KMT2C: variants seen among roughly 807,000 people sequenced by gnomAD.
The protein encoded by KMT2C is lysine methyltransferase 2C.
Under a neutral mutation model 507.9 loss-of-function variants are expected in KMT2C, and 88 were observed. The observed-to-expected ratio is 0.17, with a 90% CI of 0.15 to 0.21. The LOEUF is 0.21. KMT2C is among the 10% of genes least tolerant of loss of function. The probability of loss-of-function intolerance (pLI) is 1.00; values close to 1 mark genes in which losing one functional copy is unlikely to be tolerated. For synonymous variants in KMT2C, 2,049 were observed against 2,080.8 expected, an observed-to-expected ratio of 0.98 and a Z score of 0.42; for missense variants, 4,954 against 5,957.8, an observed-to-expected ratio of 0.83 and a Z score of 5.55.
In KMT2C at chr7:152,149,005, C is replaced by A. The variant is rs756354376; in HGVS notation, c.12922G>T (p.Ala4308Ser). 5 of 1,561,304 alleles carry A rather than the reference C, an allele frequency of 3.2e-6. No individual in the cohort carries two copies. Among genetic ancestry groups the A allele is most frequent in the Non-Finnish European group, 4.3e-6 (5 of 1,156,298 alleles). ...KASPPASPPI[A>S]FPPAFEAAQV... is the part of the protein sequence containing the mutation. ...GCTGCTTCAAAAGCAGGAGGGAAGG[C>A]GATGGGTGGTGAGGCAGGGGGAGAA... The change falls in exon 52 of 59, where the codon GCC becomes TCC. Residue 4308 changes from alanine to serine, a missense_variant. This residue lies in a region of KMT2C where 417 missense variants were observed against 461.1 expected (regional missense o/e 0.90). Transcript: ENST00000262189.
intron 1 of KMT2C, among the ~76,000 whole-genome samples, chr7:152,397,875 T>C (rs868235959): frequency 1.3e-5 from 2 of 152,200 alleles, no homozygotes; most frequent in Middle Eastern, 3.2e-3. Context: ...CACATGGAAC[T>C]ATGAGTCTAT....
At chr7:152,427,705 C>T (rs2097832376) in intron 1 of KMT2C, among the ~76,000 whole-genome samples, 1 of 152,184 alleles carries the variant, frequency 6.6e-6, no homozygotes, top group South Asian at 2.1e-4. Flanking sequence ...GGCAACAAAG[C>T]ATCCTAATCC....
At chr7:152,206,985 G>GA (rs1202645681) in intron 24 of KMT2C, among the ~76,000 whole-genome samples, 2 of 151,914 alleles carry the variant, frequency 1.3e-5, no homozygotes, top group Non-Finnish European at 2.9e-5. Context: ...ACATCCAGAG[G>GA]AACTATATAA....
chr7:152,263,604 GCTCT>G (rs1237299058), intron 8 of KMT2C, among the ~76,000 whole-genome samples: 1 of 152,156 alleles, frequency 6.6e-6, no homozygotes, highest in Non-Finnish European at 1.5e-5. Context: ...TTAGACTAAA[GCTCT>G]CTGAGTTCCA....
intron 23 of KMT2C, among the ~76,000 whole-genome samples, chr7:152,216,866 GCA>G (rs2094597047): frequency 6.6e-6 from 1 of 152,220 alleles, no homozygotes; most frequent in Non-Finnish European, 1.5e-5. Context: ...CACTGGTTGA[GCA>G]CTTGTATTCT....
At chr7:152,366,065 GCTA>G (rs2097240878) in intron 1 of KMT2C, among the ~76,000 whole-genome samples, 1 of 152,126 alleles carries the variant, frequency 6.6e-6, no homozygotes, top group Non-Finnish European at 1.5e-5. Flanking sequence ...CATTAGGATG[GCTA>G]CTGTGAAAAA....
intron 2 of KMT2C, among the ~76,000 whole-genome samples, chr7:152,339,884 A>G (rs1392969873): frequency 6.6e-6 from 1 of 152,190 alleles, no homozygotes; most frequent in East Asian, 1.9e-4. Context: ...GAAAAATAAT[A>G]TATTTAAAAT....
intron 23 of KMT2C, among the ~76,000 whole-genome samples, chr7:152,213,603 T>C (rs577434474): frequency 1.3e-5 from 2 of 152,180 alleles, no homozygotes; most frequent in East Asian, 3.9e-4. Flanking sequence ...CCTGAAACCA[T>C]AAAACTCCTA....
chr7:152,230,305 A>C lies in KMT2C; in HGVS notation c.2786T>G (p.Ile929Ser). Reference protein sequence around the residue: ...VVLPGVSTADISSNKDDEENS... With the variant: ...VVLPGVSTADSSSNKDDEENS... ...TTCTTCATCATCCTTATTTGATGAA[A>C]TATCTGCAGTAGACACCTATAAAAA... The change falls in exon 17 of 59, where the codon ATT (isoleucine) becomes AGT (serine). Residue 929 changes from isoleucine (I) to serine (S), a missense_variant. Coordinates refer to ENST00000262189, the MANE Select transcript of KMT2C (RefSeq NM_170606.3). The C allele has an allele frequency of 6.3e-7, 1 of 1,575,838 alleles. No individual in the cohort carries two copies. Among genetic ancestry groups the C allele is most frequent in the South Asian group, 1.1e-5 (1 of 88,120 alleles).
chr7:152,299,634 G>GTC (rs2096548884), intron 6 of KMT2C, among the ~76,000 whole-genome samples: 1 of 152,020 alleles, frequency 6.6e-6, no homozygotes, highest in African/African-American at 2.4e-5. Flanking sequence ...GGGTGACAGA[G>GTC]TAAGACCCCA....
At chr7:152,218,706 T>C (rs2094662582) in intron 23 of KMT2C, among the ~76,000 whole-genome samples, 1 of 152,154 alleles carries the variant, frequency 6.6e-6, no homozygotes, top group African/African-American at 2.4e-5. Flanking sequence ...GTGTGAGATA[T>C]ACTGAGCCGT....
chr7:152,434,644 A>T (rs1379413605), intron 1 of KMT2C, among the ~76,000 whole-genome samples: 5 of 152,180 alleles, frequency 3.3e-5, no homozygotes, highest in East Asian at 1.9e-4. Context: ...AGACATTCAC[A>T]GTTCTTCCAC....
At position 152,181,346 on chromosome 7, in the gene KMT2C, C is replaced by T. The variant is rs200011142; in HGVS notation, c.6514G>A (p.Asp2172Asn). 1.2e-4 allele frequency: 193 copies of T among 1,613,744 alleles called. 1 individual carries two copies. Among genetic ancestry groups the T allele is most frequent in the East Asian group, 1.3e-4 (6 of 44,852 alleles). Reference protein sequence around the residue: ...PPGTPRPTTVDPYSQQPQTPR... With the variant: ...PPGTPRPTTVNPYSQQPQTPR... ...GTTTGGGGCTGCTGACTATATGGGT[C>T]AACAGTAGTAGGCCGGGGAGTTCCA... Residue 2172 changes from aspartate to asparagine, a missense_variant, in exon 36 of 59, where the codon GAC (aspartate) becomes AAC (asparagine). Around this residue, in one of 29 missense-constraint regions of KMT2C, gnomAD observed 1,689 missense variants for 1,654.3 expected, o/e 1.02. Coordinates refer to ENST00000262189, the MANE Select transcript of KMT2C (RefSeq NM_170606.3).
rs909377091 is a variant in KMT2C at position 152,136,333 on chromosome 7, A to C, written c.*499T>G. On this transcript the variant is annotated 3_prime_UTR_variant, in exon 59 of 59. Transcript: ENST00000262189. ...TTGTTCAGTGGTGTCTACTTTATTT[A>C]AAAACATTTTGAAGTTAGAGGGCCT... is the stretch of plus-strand genomic sequence containing the variant. 3 of 219,036 alleles carry C rather than the reference A, an allele frequency of 1.4e-5. No individual in the cohort carries two copies. The highest frequency in any genetic ancestry group is 2.3e-5 in the African/African-American group (1 of 44,444). The allele number at this position is 219,036 out of a possible 1,614,324, so 13.6% of individuals were successfully genotyped here. A position where few individuals can be genotyped will look rare whatever the true frequency, so the allele number is the denominator to read the frequency against.
At chr7:152,326,864 G>C (rs1028414804) in intron 3 of KMT2C, among the ~76,000 whole-genome samples, 2 of 152,158 alleles carry the variant, frequency 1.3e-5, no homozygotes, top group Non-Finnish European at 2.9e-5. Flanking sequence ...CTGGGCGACA[G>C]AGCAAGACTC....
intron 1 of KMT2C, among the ~76,000 whole-genome samples, chr7:152,429,161 T>C (rs1270026373): frequency 6.6e-6 from 1 of 152,186 alleles, no homozygotes; most frequent in East Asian, 1.9e-4. Context: ...AGCACCCCTC[T>C]AGGCCACAAT....
intron 52 of KMT2C, among the ~76,000 whole-genome samples, chr7:152,147,354 A>G (rs2129094413): frequency 6.6e-6 from 1 of 152,206 alleles, no homozygotes; most frequent in Non-Finnish European, 1.5e-5. Context: ...TATGATTTAG[A>G]TGTCATTCCT....
At chr7:152,271,606 G>A (rs914770589) in intron 7 of KMT2C, among the ~76,000 whole-genome samples, 24 of 150,488 alleles carry the variant, frequency 1.6e-4, no homozygotes, top group African/African-American at 5.4e-4. Context: ...CCTGGAAGGC[G>A]GAGTTTGCAG....
chr7:152,270,250 A>C (rs2095937457), intron 7 of KMT2C, among the ~76,000 whole-genome samples: 1 of 152,210 alleles, frequency 6.6e-6, no homozygotes, highest in African/African-American at 2.4e-5. Flanking sequence ...CAGAGGACTG[A>C]CAGAATTTAG....
Sources: allele counts gnomAD v4.1 joint callset (sites outside exome capture counted in the v4.1 genomes callset), GRCh38; gene constraint gnomAD v4.1.1; regional missense constraint gnomAD v4.1.1; transcripts MANE v1.5; gene names NCBI Gene and HGNC (gene_info 2026-07-23, HGNC 2026-07-21).